The following TRAPPC9 variants were observed in gnomAD, a reference collection of about 807,000 sequenced individuals.
The protein encoded by TRAPPC9 is trafficking protein particle complex subunit 9.
Under a neutral mutation model 124.0 loss-of-function variants are expected in TRAPPC9, and 83 were observed. The ratio of observed to expected loss-of-function variants is 0.67; its 90% CI spans 0.56 to 0.80. The LOEUF (loss-of-function observed/expected upper bound fraction) is 0.80. Among genes scored for constraint, TRAPPC9 ranks in the 30% least tolerant of loss-of-function variants. The probability of loss-of-function intolerance (pLI) is 0.00; values close to 1 mark genes in which losing one functional copy is unlikely to be tolerated. For missense variants in TRAPPC9, 1,302 were observed against 1,508.3 expected (o/e 0.86, Z 2.27); for synonymous variants, 638 against 617.5 (o/e 1.03, Z -0.49).
At chr8:140,388,791 T>A in intron 7 of TRAPPC9, among the ~76,000 whole-genome samples, 1 of 137,136 alleles carries the variant, frequency 7.3e-6, no homozygotes, top group Non-Finnish European at 1.5e-5. Flanking sequence ...GAGGTTGCAG[T>A]GAGCAGAGAT....
At chr8:139,894,891 G>A (rs546030244) in intron 20 of TRAPPC9, among the ~76,000 whole-genome samples, 9 of 152,238 alleles carry the variant, frequency 5.9e-5, no homozygotes, top group South Asian at 2.1e-4. Context: ...TCTCAGAGTC[G>A]TCCAACTGGG....
intron 19 of TRAPPC9, among the ~76,000 whole-genome samples, chr8:139,911,059 C>T (rs1393713503): frequency 6.6e-6 from 1 of 152,052 alleles, no homozygotes; most frequent in Non-Finnish European, 1.5e-5. Context: ...TTGGCTCTAT[C>T]CCCACCCAAA....
At chr8:140,416,800 G>A (rs181692176) in intron 5 of TRAPPC9, among the ~76,000 whole-genome samples, 413 of 152,208 alleles carry the variant, frequency 2.7e-3, no homozygotes, top group Middle Eastern at 6.8e-3. Flanking sequence ...GAGGCATCAC[G>A]CTACCTGACT....
chr8:140,015,103 T>C (rs1028367608), intron 18 of TRAPPC9, among the ~76,000 whole-genome samples: 5 of 152,240 alleles, frequency 3.3e-5, no homozygotes, highest in African/African-American at 1.2e-4. Flanking sequence ...AGCAGTAAAG[T>C]AGTCCTTTGA....
chr8:139,778,145 T>G (rs1821525535), intron 21 of TRAPPC9, among the ~76,000 whole-genome samples: 1 of 152,120 alleles, frequency 6.6e-6, no homozygotes, highest in Admixed American at 6.5e-5. Flanking sequence ...CGAGGAATAG[T>G]GCCTGTTCCC....
intron 10 of TRAPPC9, 46 bp downstream of exon 10, chr8:140,311,202 G>A: frequency 6.2e-7 from 1 of 1,603,242 alleles, no homozygotes; most frequent in East Asian, 2.2e-5. Flanking sequence ...AGAGGACGGT[G>A]TCCCAGAGGG....
intron 20 of TRAPPC9, among the ~76,000 whole-genome samples, chr8:139,895,151 A>C (rs535123702): frequency 1.1e-4 from 17 of 152,292 alleles, no homozygotes; most frequent in African/African-American, 4.1e-4. Context: ...ACATCTCCAG[A>C]GGAAAAGGAC....
intron 17 of TRAPPC9, among the ~76,000 whole-genome samples, chr8:140,171,876 C>T (rs2061973018): frequency 6.6e-6 from 1 of 152,184 alleles, no homozygotes; most frequent in Non-Finnish European, 1.5e-5. Context: ...GCAGGAATCA[C>T]CGAGGGTGCT....
chr8:140,341,695 C>A (rs1419090794), intron 9 of TRAPPC9, among the ~76,000 whole-genome samples: 28 of 149,450 alleles, frequency 1.9e-4, no homozygotes, highest in Non-Finnish European at 1.5e-5. Flanking sequence ...AAAAAAAAAA[C>A]TTTGGGAAGA....
intron 19 of TRAPPC9, among the ~76,000 whole-genome samples, chr8:139,985,802 G>A (rs1004035799): frequency 6.6e-6 from 1 of 152,104 alleles, no homozygotes; most frequent in African/African-American, 2.4e-5. Flanking sequence ...GCATTAGCAT[G>A]GAAATGAATA....
At chr8:139,973,266 C>A (rs1000418935) in intron 19 of TRAPPC9, among the ~76,000 whole-genome samples, 1 of 152,202 alleles carries the variant, frequency 6.6e-6, no homozygotes, top group Non-Finnish European at 1.5e-5. Context: ...AGGGGTCAGG[C>A]CCCGCACCGT....
intron 17 of TRAPPC9, among the ~76,000 whole-genome samples, chr8:140,198,880 C>T (rs1010563542): frequency 1.9e-4 from 29 of 152,154 alleles, no homozygotes; most frequent in Non-Finnish European, 2.9e-5. Context: ...TTGTATTCAG[C>T]AAATATTTAT....
chr8:139,907,540 G>T lies in TRAPPC9; in HGVS notation c.2964+2607C>A, dbSNP rs939133555. On this transcript the variant is annotated intron_variant, in intron 20 of 22. Coordinates refer to ENST00000438773, the MANE Select transcript of TRAPPC9 (RefSeq NM_001160372.4). The surrounding 1 kb of genome is among the most constrained non-coding windows in gnomAD (Gnocchi z 4.7). ...GGAGAGGAGAGGGAGAAAGAGAAAGGGGGGGAGGAAGGGATGGAGGCAGAG... is the reference window on the plus strand; with the variant it reads ...GGAGAGGAGAGGGAGAAAGAGAAAGTGGGGGAGGAAGGGATGGAGGCAGAG... Among the ~76,000 whole-genome samples, 1 of 146,516 alleles carries T rather than the reference G, an allele frequency of 6.8e-6. No individual in the cohort carries two copies. Among genetic ancestry groups the T allele is most frequent in the African/African-American group, 2.6e-5 (1 of 39,210 alleles).
chr8:140,121,247 G>C lies in TRAPPC9; in HGVS notation c.2557-97168C>G, dbSNP rs973748523. Reference sequence around the variant, plus strand: ...AGGAGATTTTTAGGGAGAGAACACAGTGGGTGCAAAGGCCTGAGACAGAAC... The same window carrying C: ...AGGAGATTTTTAGGGAGAGAACACACTGGGTGCAAAGGCCTGAGACAGAAC... On this transcript the variant is annotated intron_variant, in intron 17 of 22. Coordinates refer to ENST00000438773, the MANE Select transcript of TRAPPC9 (RefSeq NM_001160372.4). Among the ~76,000 whole-genome samples, 23 of 152,246 alleles carry C rather than the reference G, an allele frequency of 1.5e-4. 1 individual carries two copies. The highest frequency in any genetic ancestry group is 5.5e-4 in the African/African-American group (23 of 41,470).
intron 19 of TRAPPC9, among the ~76,000 whole-genome samples, chr8:139,911,791 T>C (rs543986309): frequency 6.6e-6 from 1 of 152,068 alleles, no homozygotes; most frequent in Admixed American, 6.5e-5. Flanking sequence ...CATGCTCTAA[T>C]TGGCCTCTGT....
intron 16 of TRAPPC9, among the ~76,000 whole-genome samples, chr8:140,226,839 A>G (rs28648425): frequency 0.22 from 33,008 of 151,264 alleles, 4,256 homozygotes; most frequent in East Asian, 0.56. Flanking sequence ...GTGGGATATG[A>G]GCACTTTGCA....
intron 21 of TRAPPC9, among the ~76,000 whole-genome samples, chr8:139,805,826 T>C (rs533176577): frequency 2.0e-5 from 3 of 152,296 alleles, no homozygotes; most frequent in Non-Finnish European, 4.4e-5. Context: ...GGAGGGCTCA[T>C]GATACACTTT....
Position 140,170,461 on chromosome 8 carries a change from T to C in TRAPPC9, c.2556+50998A>G, listed in dbSNP as rs562581378. Reference sequence around the variant, plus strand: ...TTCCACATCCTCTTTGCCTGTGGCCTCTCTGAAACACTTGTTGAGAATCTG... The same window carrying C: ...TTCCACATCCTCTTTGCCTGTGGCCCCTCTGAAACACTTGTTGAGAATCTG... On this transcript the variant is annotated intron_variant, in intron 17 of 22. Coordinates refer to ENST00000438773, the MANE Select transcript of TRAPPC9 (RefSeq NM_001160372.4). Among the ~76,000 whole-genome samples the C allele has an allele frequency of 8.1e-4, 124 of 152,310 alleles. 1 individual carries two copies. The highest frequency in any genetic ancestry group is 2.9e-3 in the African/African-American group (120 of 41,564).
intron 16 of TRAPPC9, among the ~76,000 whole-genome samples, chr8:140,236,023 T>C (rs905236439): frequency 2.6e-5 from 4 of 151,816 alleles, no homozygotes; most frequent in Non-Finnish European, 4.4e-5. Context: ...GAGTATACAG[T>C]TGTGACACTT....
Sources: gnomAD v4.1 joint callset for allele counts (sites outside exome capture counted in the v4.1 genomes callset) on GRCh38, gnomAD v4.1.1 for gene constraint, Gnocchi (gnomAD v3.1) non-coding constraint, MANE v1.5 for transcripts, NCBI Gene and HGNC (gene_info 2026-07-23, HGNC 2026-07-21) for gene names.